Variants in ADGRL3 observed in about 807,000 individuals in gnomAD.
ADGRL3 encodes calcium-independent alpha-latrotoxin receptor 3.
In ADGRL3, 62 loss-of-function variants were observed where a neutral mutation model predicts 153.5. The ratio of observed to expected loss-of-function variants is 0.40; its 90% CI spans 0.33 to 0.50. The LOEUF is 0.50. ADGRL3 is among the 20% of genes least tolerant of loss of function. The pLI is 0.47. For synonymous variants in ADGRL3, 710 were observed against 672.5 expected, an observed-to-expected ratio of 1.06 and a Z score of -0.86; for missense variants, 1,641 against 1,859.4, an observed-to-expected ratio of 0.88 and a Z score of 2.16.
At chr4:61,563,946 T>C (rs1440567054) in intron 4 of ADGRL3, among the ~76,000 whole-genome samples, 1 of 151,998 alleles carries the variant, frequency 6.6e-6, no homozygotes, top group African/African-American at 2.4e-5. Context: ...GAGGCGCAGA[T>C]TGCAGTGAGC....
At chr4:61,731,719 A>T (rs1338710708) in intron 7 of ADGRL3, among the ~76,000 whole-genome samples, 1 of 152,140 alleles carries the variant, frequency 6.6e-6, no homozygotes, top group Non-Finnish European at 1.5e-5. Context: ...TCTTACACAC[A>T]TGTGGCTAAG....
intron 25 of ADGRL3, among the ~76,000 whole-genome samples, chr4:62,060,724 AT>A (rs908294357): frequency 1.3e-5 from 2 of 151,770 alleles, no homozygotes; most frequent in Non-Finnish European, 3.0e-5. Flanking sequence ...ACAATTTTTC[AT>A]TTTTTTGTCC....
At chr4:61,705,586 C>T (rs2095843912) in intron 6 of ADGRL3, among the ~76,000 whole-genome samples, 1 of 151,730 alleles carries the variant, frequency 6.6e-6, no homozygotes, top group South Asian at 2.1e-4. Context: ...CTACCTCTGC[C>T]TCCTGGGTTC....
rs2098903294 is a variant in ADGRL3, at chr4:61,578,333, A to C, written c.260-8894A>C. On this transcript the variant is annotated intron_variant, in intron 4 of 26. Transcript: ENST00000683033. Reference sequence around the variant, plus strand: ...ATCATTGGGAATTTGAAATAAAGTGATACTTTTAAAGCACCAGTACAGGAA... The same window carrying C: ...ATCATTGGGAATTTGAAATAAAGTGCTACTTTTAAAGCACCAGTACAGGAA... Among the ~76,000 whole-genome samples, 3 of 152,090 alleles carry C rather than the reference A, an allele frequency of 2.0e-5. 1 individual carries two copies. The South Asian group carries it at 6.2e-4, about 31-fold the overall frequency.
At chr4:61,282,692 T>C (rs1034829116) in intron 1 of ADGRL3, among the ~76,000 whole-genome samples, 1 of 152,024 alleles carries the variant, frequency 6.6e-6, no homozygotes, top group Admixed American at 6.6e-5. Flanking sequence ...AATCTTTTTA[T>C]CTTGTTTTAT....
At position 62,072,862 on chromosome 4, in the gene ADGRL3, C is replaced by A. The variant is rs1212666035; in HGVS notation, c.*1954C>A. 6.6e-6 allele frequency: 1 copy of A among 152,058 alleles called. No individual in the cohort carries two copies. The highest frequency in any genetic ancestry group is 1.5e-5 in the Non-Finnish European group (1 of 68,008). The allele number at this position is 152,058 out of a possible 1,614,324, so 9.4% of individuals were successfully genotyped here. On this transcript the variant is annotated 3_prime_UTR_variant, in exon 27 of 27. Coordinates refer to ENST00000683033, the MANE Select transcript of ADGRL3 (RefSeq NM_001387552.1). ...TTTTGATGTTAGAAATTCAAATTCC[C>A]TCAATTTGCTAAAAGCTGCAAAGAG...
At chr4:61,387,625 G>T (rs1220227668) in intron 2 of ADGRL3, among the ~76,000 whole-genome samples, 1 of 152,086 alleles carries the variant, frequency 6.6e-6, no homozygotes, top group Non-Finnish European at 1.5e-5. Flanking sequence ...GAGAAATACA[G>T]CTCTGTTCCG....
rs564685984 is a variant in ADGRL3 at position 61,506,262 on chromosome 4, G to T, written c.55+8914G>T. Among the ~76,000 whole-genome samples the T allele has an allele frequency of 3.4e-4, 52 of 151,978 alleles. No homozygotes were observed. The South Asian group carries it at 4.8e-3, about 14-fold the overall frequency. ...TACACATTTAATCCTGGCAGAATGG[G>T]GTCATTAAAACATACCTTTAGGAAT... On this transcript the variant is annotated intron_variant, in intron 3 of 26. Coordinates refer to ENST00000683033, the MANE Select transcript of ADGRL3 (RefSeq NM_001387552.1).
At chr4:61,772,609 A>C (rs919835752) in intron 8 of ADGRL3, among the ~76,000 whole-genome samples, 1 of 152,162 alleles carries the variant, frequency 6.6e-6, no homozygotes, top group Non-Finnish European at 1.5e-5. Context: ...TGATAGGGCA[A>C]AGTATGGGTT....
At chr4:61,760,605 TGA>T (rs1186753963) in intron 8 of ADGRL3, among the ~76,000 whole-genome samples, 1 of 152,124 alleles carries the variant, frequency 6.6e-6, no homozygotes, top group African/African-American at 2.4e-5. Context: ...TTGCACTTCC[TGA>T]GTGAGGCGAT....
intron 11 of ADGRL3, among the ~76,000 whole-genome samples, chr4:61,899,222 T>C (rs1457786191): frequency 6.6e-6 from 1 of 152,198 alleles, no homozygotes; most frequent in Non-Finnish European, 1.5e-5. Context: ...TAATTTCTTT[T>C]TAATTCCTAT....
At chr4:61,290,018 C>T (rs189183198) in intron 1 of ADGRL3, among the ~76,000 whole-genome samples, 117 of 152,122 alleles carry the variant, frequency 7.7e-4, no homozygotes, top group African/African-American at 2.6e-3. Flanking sequence ...GATACTTAAA[C>T]GTAAAGTTGT....
chr4:62,070,801 CAGCT>C lies in ADGRL3; in HGVS notation c.4528_4531del (p.Leu1510ValfsTer9). 1.3e-6 allele frequency: 2 copies of C among 1,551,682 alleles called. No individual in the cohort carries two copies. The highest frequency in any genetic ancestry group is 2.4e-5 in the South Asian group (2 of 84,054). On this transcript the variant is annotated frameshift_variant, in exon 27 of 27. Transcript: ENST00000683033. LOFTEE classifies it high-confidence loss of function. ...CGTCCATCAGCTGCATACTTACTACCAGCTAGGTCGCGGCAGCAGTGATGGATTT... is the reference window on the plus strand; with the variant it reads ...CGTCCATCAGCTGCATACTTACTACCAGGTCGCGGCAGCAGTGATGGATTT...
At chr4:61,886,656 G>T (rs1274469209) in intron 9 of ADGRL3, among the ~76,000 whole-genome samples, 1 of 151,460 alleles carries the variant, frequency 6.6e-6, no homozygotes, top group Non-Finnish European at 1.5e-5. Context: ...TTGTTTGTTT[G>T]TTTGTGACAG....
chr4:61,824,619 G>A (rs1257282574), intron 9 of ADGRL3, among the ~76,000 whole-genome samples: 2 of 152,166 alleles, frequency 1.3e-5, no homozygotes, highest in Admixed American at 6.5e-5. Context: ...AGCCTGAGGG[G>A]GTGAAGTAAG....
intron 9 of ADGRL3, among the ~76,000 whole-genome samples, chr4:61,870,010 GAA>G (rs2098434311): frequency 7.6e-6 from 1 of 130,886 alleles, no homozygotes; most frequent in Non-Finnish European, 1.6e-5. Flanking sequence ...GAGAGAGAGA[GAA>G]AGGAAAGAAA....
intron 5 of ADGRL3, among the ~76,000 whole-genome samples, chr4:61,632,245 G>A (rs1002492085): frequency 6.6e-6 from 1 of 151,990 alleles, no homozygotes; most frequent in Non-Finnish European, 1.5e-5. Context: ...TTGGACACTG[G>A]AAATTTTTAA....
rs372911289 is a variant in ADGRL3, at chr4:61,470,915, C to T, written c.-173-26206C>T. 3.3e-5 allele frequency among the ~76,000 whole-genome samples: 5 copies of T among 151,864 alleles called. No homozygotes were observed. The South Asian group carries it at 6.2e-4, about 19-fold the overall frequency. ...ATTAACATTGAAAACATTTTCATTA[C>T]AAATTTTTAAAGTTGCAAAGAATAT... On this transcript the variant is annotated intron_variant, in intron 2 of 26. Coordinates refer to ENST00000683033, the MANE Select transcript of ADGRL3 (RefSeq NM_001387552.1).
chr4:62,057,352 A>G (rs567792422), intron 25 of ADGRL3, among the ~76,000 whole-genome samples: 1 of 152,276 alleles, frequency 6.6e-6, no homozygotes, highest in African/African-American at 2.4e-5. Flanking sequence ...GTTTTGTGTT[A>G]AAACTATACA....
Sources: gnomAD v4.1 joint callset for allele counts (sites outside exome capture counted in the v4.1 genomes callset) on GRCh38, gnomAD v4.1.1 for gene constraint, MANE v1.5 for transcripts, NCBI Gene and HGNC (gene_info 2026-07-23, HGNC 2026-07-21) for gene names.